PTPRT: variants seen among roughly 807,000 people sequenced by gnomAD.
PTPRT encodes protein tyrosine phosphatase receptor type T.
PTPRT carries 56 observed loss-of-function variants against 176.8 expected under a neutral mutation model. The ratio of observed to expected loss-of-function variants is 0.32; its 90% CI spans 0.26 to 0.40. The LOEUF (loss-of-function observed/expected upper bound fraction) is 0.40, where lower values mean the gene tolerates loss of function less well. PTPRT is among the 10% of genes least tolerant of loss of function. PTPRT has a pLI of 1.00. For synonymous variants in PTPRT, 783 were observed against 739.0 expected (o/e 1.06, Z -0.96); for missense variants, 1,540 against 1,908.2 (o/e 0.81, Z 3.60).
intron 1 of PTPRT, among the ~76,000 whole-genome samples, chr20:42,900,553 G>A (rs577029731): frequency 3.9e-5 from 6 of 152,098 alleles, no homozygotes; most frequent in Admixed American, 6.5e-5. Flanking sequence ...CTTCATTCCC[G>A]TAGCATCAAA....
intron 7 of PTPRT, among the ~76,000 whole-genome samples, chr20:42,668,858 A>ATTTTTTTTTTTTTTTTTTT (rs755121515): frequency 1.2e-5 from 1 of 81,276 alleles, no homozygotes; most frequent in Admixed American, 1.8e-4. Context: ...CGCCCAGCTA[A>ATTTTTTTTTTTTTTTTTTT]TTTTTTTTTT....
chr20:43,159,551 A>G (rs1246434737), intron 1 of PTPRT, among the ~76,000 whole-genome samples: 2 of 152,190 alleles, frequency 1.3e-5, no homozygotes, highest in Non-Finnish European at 2.9e-5. Context: ...TGGAATTTCA[A>G]TTTCCTTTCT....
At chr20:42,796,493 A>G (rs4812648) in intron 2 of PTPRT, among the ~76,000 whole-genome samples, 61,205 of 152,136 alleles carry the variant, frequency 0.4, 14,424 homozygotes, top group East Asian at 0.54. Flanking sequence ...TAACTTGGCC[A>G]AGGTCAACCA....
chr20:42,601,819 A>ACAT (rs1444634286), intron 7 of PTPRT, among the ~76,000 whole-genome samples: 2 of 152,166 alleles, frequency 1.3e-5, no homozygotes, highest in African/African-American at 2.4e-5. Flanking sequence ...GAGCATGTTT[A>ACAT]GGTGTGCTGG....
the PTPRT span, among the ~76,000 whole-genome samples, chr20:42,052,118 A>G: frequency 2.6e-5 from 4 of 152,166 alleles, no homozygotes; most frequent in African/African-American, 9.7e-5. Flanking sequence ...TTGGGCACGG[A>G]AGGACAAGTG....
chr20:42,254,954 C>G (rs568148483), intron 13 of PTPRT, among the ~76,000 whole-genome samples: 1 of 152,254 alleles, frequency 6.6e-6, no homozygotes, highest in South Asian at 2.1e-4. Context: ...GAGAAATTAT[C>G]CCTATTATCT....
intron 16 of PTPRT, among the ~76,000 whole-genome samples, chr20:42,178,218 G>C (rs1412604526): frequency 6.6e-6 from 1 of 152,178 alleles, no homozygotes; most frequent in East Asian, 1.9e-4. Flanking sequence ...TTACAAGCGA[G>C]AGCCACCGTG....
intron 1 of PTPRT, among the ~76,000 whole-genome samples, chr20:43,160,722 G>C (rs1263531172): frequency 6.6e-6 from 1 of 152,070 alleles, no homozygotes; most frequent in Non-Finnish European, 1.5e-5. Context: ...AAAACAAAGT[G>C]TATTTATTAT....
chr20:42,704,421 C>T (rs913264762), intron 6 of PTPRT, among the ~76,000 whole-genome samples: 2 of 146,748 alleles, frequency 1.4e-5, no homozygotes, highest in Non-Finnish European at 3.0e-5. Context: ...AGCTGGAAGG[C>T]GTTGATATCC....
chr20:42,388,142 C>A (rs964275003), intron 9 of PTPRT, among the ~76,000 whole-genome samples: 4 of 152,128 alleles, frequency 2.6e-5, no homozygotes, highest in African/African-American at 4.8e-5. Context: ...TAAAGACTTA[C>A]CCAGTCCAAA....
intron 2 of PTPRT, among the ~76,000 whole-genome samples, chr20:42,825,154 C>T (rs991594725): frequency 5.9e-5 from 9 of 151,970 alleles, no homozygotes; most frequent in Non-Finnish European, 7.4e-5. Context: ...TTTGATAATA[C>T]GTATCACATT....
chr20:43,076,922 C>T (rs1292973027), intron 1 of PTPRT, among the ~76,000 whole-genome samples: 2 of 152,196 alleles, frequency 1.3e-5, no homozygotes, highest in African/African-American at 4.8e-5. Context: ...AACCAGCTCC[C>T]AATGGGACTT....
the PTPRT span, among the ~76,000 whole-genome samples, chr20:42,050,678 C>T: frequency 1.3e-5 from 2 of 152,310 alleles, no homozygotes; most frequent in African/African-American, 2.4e-5. Flanking sequence ...GAAGCTTTAA[C>T]TCCACAAGGA....
chr20:42,034,290 G>A, the PTPRT span, among the ~76,000 whole-genome samples: 2 of 152,282 alleles, frequency 1.3e-5, no homozygotes, highest in East Asian at 3.9e-4. Context: ...GTTCCCTGCT[G>A]GATGTTGAGG....
chr20:42,523,166 A>G (rs1039787453), intron 7 of PTPRT, among the ~76,000 whole-genome samples: 3 of 152,056 alleles, frequency 2.0e-5, no homozygotes, highest in African/African-American at 7.2e-5. Flanking sequence ...ACAATTCTCA[A>G]ATTTGATGTT....
intron 7 of PTPRT, among the ~76,000 whole-genome samples, chr20:42,483,824 A>G (rs1291503338): frequency 6.6e-6 from 1 of 152,218 alleles, no homozygotes; most frequent in East Asian, 1.9e-4. Context: ...TTACGGTGCT[A>G]AGGCTAGGAT....
At chr20:42,559,828 T>C (rs1008320321) in intron 7 of PTPRT, among the ~76,000 whole-genome samples, 17 of 152,224 alleles carry the variant, frequency 1.1e-4, no homozygotes, top group Non-Finnish European at 1.5e-4. Flanking sequence ...TTAAAGTTCA[T>C]TGTGCTAGAA....
At chr20:42,850,454 G>A (rs1191369853) in intron 2 of PTPRT, among the ~76,000 whole-genome samples, 3 of 152,228 alleles carry the variant, frequency 2.0e-5, no homozygotes, top group Non-Finnish European at 4.4e-5. Context: ...GAGATGGACT[G>A]TGGCTCATTA....
chr20:43,008,292 A>C (rs1237479300), intron 1 of PTPRT, among the ~76,000 whole-genome samples: 1 of 152,192 alleles, frequency 6.6e-6, no homozygotes, highest in Admixed American at 6.5e-5. Context: ...TGCCCCTTCC[A>C]CCATGTGAAG....
Sources: allele counts gnomAD v4.1 joint callset (sites outside exome capture counted in the v4.1 genomes callset), GRCh38; gene constraint gnomAD v4.1.1; transcripts MANE v1.5; gene names NCBI Gene and HGNC (gene_info 2026-07-23, HGNC 2026-07-21).